The following CNTN5 variants were observed in gnomAD, a reference collection of about 807,000 sequenced individuals.
CNTN5 encodes contactin-5.
A neutral mutation model predicts 129.1 loss-of-function variants in CNTN5; 77 were observed. The observed-to-expected ratio is 0.60, with a 90% CI of 0.50 to 0.72. CNTN5 has a LOEUF of 0.72. CNTN5 is among the 30% of genes least tolerant of loss of function. CNTN5 has a pLI of 0.00. For synonymous variants in CNTN5, 509 were observed against 465.6 expected, an observed-to-expected ratio of 1.09 and a Z score of -1.20; for missense variants, 1,478 against 1,328.8, an observed-to-expected ratio of 1.11 and a Z score of -1.75.
At chr11:99,818,672 A>T (rs1400311806) in intron 3 of CNTN5, among the ~76,000 whole-genome samples, 2 of 152,096 alleles carry the variant, frequency 1.3e-5, no homozygotes, top group East Asian at 1.9e-4. Context: ...CATCATAATT[A>T]GTTTGTATTT....
intron 3 of CNTN5, among the ~76,000 whole-genome samples, chr11:99,789,119 A>T (rs1945645438): frequency 6.6e-6 from 1 of 151,984 alleles, no homozygotes; most frequent in African/African-American, 2.4e-5. Flanking sequence ...TACTTTGAAG[A>T]ATCAGTAGTT....
intron 13 of CNTN5, among the ~76,000 whole-genome samples, chr11:100,112,347 G>T (rs1445614953): frequency 6.6e-6 from 1 of 152,064 alleles, no homozygotes; most frequent in African/African-American, 2.4e-5. Flanking sequence ...GAGATTCAGA[G>T]TTTGTTTTTT....
intron 16 of CNTN5, among the ~76,000 whole-genome samples, chr11:100,226,849 A>G (rs1949385667): frequency 6.6e-6 from 1 of 152,072 alleles, no homozygotes; most frequent in Non-Finnish European, 1.5e-5. Flanking sequence ...CTTGCGAAAT[A>G]AAATTTGAAA....
chr11:99,859,774 C>T (rs1444526434), intron 6 of CNTN5, among the ~76,000 whole-genome samples: 7 of 152,120 alleles, frequency 4.6e-5, no homozygotes, highest in Admixed American at 3.9e-4. Flanking sequence ...GTTGATTCCA[C>T]GTCTTTGCTA....
chr11:99,509,960 G>A (rs935466696), intron 2 of CNTN5, among the ~76,000 whole-genome samples: 1 of 151,572 alleles, frequency 6.6e-6, no homozygotes, highest in African/African-American at 2.4e-5. Flanking sequence ...ATTTCTGTAA[G>A]TCTATATACA....
intron 3 of CNTN5, among the ~76,000 whole-genome samples, chr11:99,611,262 T>G (rs57788314): frequency 0.021 from 3,154 of 152,254 alleles, 116 homozygotes; most frequent in African/African-American, 0.072. Flanking sequence ...AATACTCAGC[T>G]ACAGCATAGT....
intron 3 of CNTN5, among the ~76,000 whole-genome samples, chr11:99,595,105 A>G (rs1950086063): frequency 6.6e-6 from 1 of 152,104 alleles, no homozygotes; most frequent in Admixed American, 6.5e-5. Flanking sequence ...AATGGGTACA[A>G]AGTTAGTTAG....
intron 13 of CNTN5, among the ~76,000 whole-genome samples, chr11:100,138,481 A>G (rs1358886688): frequency 2.6e-5 from 4 of 152,096 alleles, no homozygotes; most frequent in African/African-American, 9.7e-5. Context: ...GGAGAAAAAA[A>G]TAAATGGGTA....
rs201078363 is a variant in CNTN5, at chr11:100,071,711, G to A, written c.1306G>A (p.Val436Ile). The A allele has an allele frequency of 2.0e-5, 31 of 1,581,394 alleles. No homozygotes were observed. Among genetic ancestry groups the A allele is most frequent in the Non-Finnish European group, 2.5e-5 (29 of 1,162,920 alleles). The change falls in exon 12 of 25, where the codon GTT becomes ATT. Residue 436 changes from valine to isoleucine, a missense_variant. Val to Ile is a conservative substitution (Grantham distance 29). Coordinates refer to ENST00000524871, the MANE Select transcript of CNTN5 (RefSeq NM_014361.4). ...NGVPLSPQSR[V>I]EMVNGVLMIH... ...TTTTTTAATTCCATTACAGAGTAGG[G>A]TTGAGATGGTTAATGGAGTATTGAT... is the stretch of plus-strand genomic sequence containing the variant.
intron 13 of CNTN5, among the ~76,000 whole-genome samples, chr11:100,189,072 A>G (rs889061433): frequency 6.6e-6 from 1 of 151,992 alleles, no homozygotes; most frequent in Admixed American, 6.6e-5. Flanking sequence ...ACTGAAGACT[A>G]CTAGAGGAGA....
intron 3 of CNTN5, among the ~76,000 whole-genome samples, chr11:99,646,807 C>CT: frequency 1.2e-5 from 1 of 80,128 alleles, no homozygotes; most frequent in East Asian, 2.8e-4. Flanking sequence ...AATGTCAATT[C>CT]TTAAAAAAAA....
At chr11:99,461,969 T>C (rs758390319) in intron 2 of CNTN5, among the ~76,000 whole-genome samples, 4 of 152,232 alleles carry the variant, frequency 2.6e-5, no homozygotes, top group Non-Finnish European at 4.4e-5. Context: ...AAGCATGTTC[T>C]ATTTATGCTA....
At chr11:99,855,916 A>G (rs1948019170) in intron 6 of CNTN5, among the ~76,000 whole-genome samples, 1 of 152,170 alleles carries the variant, frequency 6.6e-6, no homozygotes, top group South Asian at 2.1e-4. Flanking sequence ...TTTCAATAAA[A>G]TACAACTATT....
chr11:100,014,358 C>G (rs532517260), intron 9 of CNTN5, among the ~76,000 whole-genome samples: 2 of 152,216 alleles, frequency 1.3e-5, no homozygotes, highest in East Asian at 3.9e-4. Flanking sequence ...CAAGTCCCCC[C>G]TCTCCATTTT....
At chr11:99,684,116 C>G (rs761143904) in intron 3 of CNTN5, among the ~76,000 whole-genome samples, 1 of 151,736 alleles carries the variant, frequency 6.6e-6, no homozygotes, top group Non-Finnish European at 1.5e-5. Flanking sequence ...GTCTGGTAAC[C>G]ACACTTTCAC....
rs145727264 is a variant in CNTN5, at chr11:99,030,470, T to G, written c.-210+9200T>G. 5.0e-3 allele frequency among the ~76,000 whole-genome samples: 766 copies of G among 152,312 alleles called. 3 individuals carry two copies. Among genetic ancestry groups the G allele is most frequent in the Non-Finnish European group, 7.8e-3 (529 of 68,016 alleles). On this transcript the variant is annotated intron_variant, in intron 1 of 24. Transcript: ENST00000524871. Reference sequence around the variant, plus strand: ...ATGACCTTATTTTATTTGCTCATTTTGACAGTGATTACCTCTTCTGGACAT... The same window carrying G: ...ATGACCTTATTTTATTTGCTCATTTGGACAGTGATTACCTCTTCTGGACAT...
intron 6 of CNTN5, among the ~76,000 whole-genome samples, chr11:99,876,034 A>G (rs1948623970): frequency 6.6e-6 from 1 of 152,172 alleles, no homozygotes; most frequent in Non-Finnish European, 1.5e-5. Context: ...AATTAGGAAT[A>G]ATGAGTGAAA....
chr11:99,715,406 A>C lies in CNTN5; in HGVS notation c.56-104138A>C, dbSNP rs139552062. Reference sequence around the variant, plus strand: ...CCTTCCAGTACTCTGAAGATAGGCAACTTGAGACCACCAAGAGAGCAGAAT... The same window carrying C: ...CCTTCCAGTACTCTGAAGATAGGCACCTTGAGACCACCAAGAGAGCAGAAT... On this transcript the variant is annotated intron_variant, in intron 3 of 24. Transcript: ENST00000524871. 5.3e-4 allele frequency among the ~76,000 whole-genome samples: 80 copies of C among 151,616 alleles called. 1 individual carries two copies. In the East Asian group the frequency reaches 7.3e-3, roughly 14 times the overall value.
At chr11:100,280,307 G>GT (rs1248682561) in intron 18 of CNTN5, among the ~76,000 whole-genome samples, 1 of 151,836 alleles carries the variant, frequency 6.6e-6, no homozygotes, top group African/African-American at 2.4e-5. Flanking sequence ...GCAGTGAGGC[G>GT]TATCTCTCTT....
Sources: gnomAD v4.1 joint callset for allele counts (sites outside exome capture counted in the v4.1 genomes callset) on GRCh38, gnomAD v4.1.1 for gene constraint, MANE v1.5 for transcripts, NCBI Gene and HGNC (gene_info 2026-07-23, HGNC 2026-07-21) for gene names.